SLC38A2: variants seen among roughly 807,000 people sequenced by gnomAD.
SLC38A2 encodes sodium-coupled neutral amino acid symporter 2.
SLC38A2 carries 11 observed loss-of-function variants against 61.5 expected under a neutral mutation model. That is an observed-to-expected ratio of 0.18 (90% CI 0.11 to 0.30). SLC38A2 has a LOEUF of 0.30. SLC38A2 is among the 10% of genes least tolerant of loss of function. The probability of loss-of-function intolerance (pLI) is 1.00; values close to 1 mark genes in which losing one functional copy is unlikely to be tolerated. For missense variants in SLC38A2, 522 were observed against 600.4 expected (o/e 0.87, Z 1.36); for synonymous variants, 217 against 212.5 (o/e 1.02, Z -0.18).
At position 46,371,229 on chromosome 12, in the gene SLC38A2, G is replaced by A. The variant is rs201301091; in HGVS notation, c.65C>T (p.Ser22Phe). 1.2e-6 allele frequency: 2 copies of A among 1,614,240 alleles called. No individual in the cohort carries two copies. Among genetic ancestry groups the A allele is most frequent in the South Asian group, 1.1e-5 (1 of 91,088 alleles). Residue 22 changes from serine to phenylalanine, a missense_variant, in exon 2 of 16, where the codon TCC becomes TTC. Ser to Phe is a radical substitution (Grantham distance 155). Around this residue, in one of 3 missense-constraint regions of SLC38A2, gnomAD observed 102 missense variants for 83.1 expected, o/e 1.23. Coordinates refer to ENST00000256689, the MANE Select transcript of SLC38A2 (RefSeq NM_018976.5). ...GTAGGAGTAGTTGAAGTCGCTGTTGGAACTGTAGCTGCTGCTGTCTTCATC... is the reference window on the plus strand; with the variant it reads ...GTAGGAGTAGTTGAAGTCGCTGTTGAAACTGTAGCTGCTGCTGTCTTCATC... ...SPDEDSSSYSSNSDFNYSYPT... is the reference protein window; with the variant it reads ...SPDEDSSSYSFNSDFNYSYPT...
chr12:46,365,171 C>G lies in SLC38A2; in HGVS notation c.582G>C (p.Gly194=), dbSNP rs1463016257. 2 of 1,613,422 alleles carry G rather than the reference C, an allele frequency of 1.2e-6. No homozygotes were observed. Among genetic ancestry groups the G allele is most frequent in the Admixed American group, 3.3e-5 (2 of 59,960 alleles). ...EDKTGLWYLN[G]NYLVLLVSLV... ...ATGACACCAACAGAACCAAATAGTT[C>G]CCGTTCAGATACCACAATCTAAAGA... The change falls in exon 8 of 16, where the codon GGG becomes GGC. Residue 194 remains glycine (G), a synonymous_variant. Transcript: ENST00000256689.
In SLC38A2 at chr12:46,367,125, T is replaced by C; in HGVS notation, c.432A>G (p.Leu144=). Residue 144 remains leucine (L), a synonymous_variant, in exon 6 of 16, where the codon TTA becomes TTG. Coordinates refer to ENST00000256689, the MANE Select transcript of SLC38A2 (RefSeq NM_018976.5). ...ATCCAGATGCTGCAAGCTTTCCAAC[T>C]AATCCAAATGCCTTATATCCCAATT... is the stretch of plus-strand genomic sequence containing the variant. ...YEQLGYKAFG[L]VGKLAASGSI... is the part of the protein sequence containing the mutation. The C allele has an allele frequency of 1.2e-6, 2 of 1,614,152 alleles. No homozygotes were observed. The highest frequency in any genetic ancestry group is 2.2e-5 in the South Asian group (2 of 91,082).
In SLC38A2 at chr12:46,367,350, G is replaced by A. The variant is rs1592205801; in HGVS notation, c.315-10C>T. Reference sequence around the variant, plus strand: ...AAATGTCAAGAGAATTCTGGTGAGAGAAGGAAAAGGCATAGGGTTATAAAT... The same window carrying A: ...AAATGTCAAGAGAATTCTGGTGAGAAAAGGAAAAGGCATAGGGTTATAAAT... On this transcript the variant is annotated splice_polypyrimidine_tract_variant and intron_variant, in intron 4 of 15. Coordinates refer to ENST00000256689, the MANE Select transcript of SLC38A2 (RefSeq NM_018976.5). 7.1e-7 allele frequency: 1 copy of A among 1,409,246 alleles called. No homozygotes were observed. The highest frequency in any genetic ancestry group is 1.0e-6 in the Non-Finnish European group (1 of 997,628). 87.3% of individuals were successfully genotyped at this position (1,409,246 alleles called of 1,614,324 possible). A position where few individuals can be genotyped will look rare whatever the true frequency, so the allele number is the denominator to read the frequency against.
intron 5 of SLC38A2, 38 bp downstream of exon 5, chr12:46,367,227 GGT>G: frequency 6.4e-7 from 1 of 1,573,624 alleles, no homozygotes; most frequent in Non-Finnish European, 8.7e-7. Context: ...TAAAATGATA[GGT>G]ATACATTGTT....
In SLC38A2 at chr12:46,359,089, C is replaced by CAAAAA. The variant is rs5797976; in HGVS notation, c.*2017_*2021dup. Reference sequence around the variant, plus strand: ...GGTTGCCACAGTATCTTCTCCCATACAAAAAAAAAAAAAAAAGTCTGTAGA... The same window carrying CAAAAA: ...GGTTGCCACAGTATCTTCTCCCATACAAAAAAAAAAAAAAAAAAAAAGTCTGTAGA... On this transcript the variant is annotated 3_prime_UTR_variant, in exon 16 of 16. Transcript: ENST00000256689. 1 of 138,542 alleles carries CAAAAA rather than the reference C, an allele frequency of 7.2e-6. No homozygotes were observed. Among genetic ancestry groups the CAAAAA allele is most frequent in the African/African-American group, 2.6e-5 (1 of 38,276 alleles). The allele number at this position is 138,542 out of a possible 1,614,324, so 8.6% of individuals were successfully genotyped here.
chr12:46,371,109 A>G, intron 2 of SLC38A2, 69 bp downstream of exon 2: 1 of 1,241,566 alleles, frequency 8.1e-7, no homozygotes, highest in East Asian at 2.3e-5. Context: ...ATGGAAGCAG[A>G]GTCCTAGGTA....
chr12:46,371,530 G>A (rs1367994566), intron 1 of SLC38A2, 151 bp from the exon 2 acceptor site: 2 of 501,638 alleles, frequency 4.0e-6, no homozygotes, highest in Admixed American at 3.9e-5. Context: ...GCGCCGAGGG[G>A]CGGAAAAGTA....
chr12:46,364,825 G>C, intron 8 of SLC38A2, 123 bp from the exon 9 acceptor site: 1 of 851,698 alleles, frequency 1.2e-6, no homozygotes, highest in Non-Finnish European at 1.8e-6. Context: ...TATGTGTATA[G>C]CACTAAATTT....
At chr12:46,368,128 AAAAGG>A (rs922849801) in intron 4 of SLC38A2, among the ~76,000 whole-genome samples, 9 of 152,214 alleles carry the variant, frequency 5.9e-5, no homozygotes, top group African/African-American at 2.2e-4. Flanking sequence ...AAAAAGAAAG[AAAAGG>A]AAAAGAATGG....
Position 46,361,217 on chromosome 12 carries a change from G to C in SLC38A2, c.1423-8C>G, listed in dbSNP as rs747835033. Reference sequence around the variant, plus strand: ...TAACAGGAAGAACAAAGCCTGCAAAGAGCATAGAGAAAATTGATCAGCAAG... The same window carrying C: ...TAACAGGAAGAACAAAGCCTGCAAACAGCATAGAGAAAATTGATCAGCAAG... On this transcript the variant is annotated splice_polypyrimidine_tract_variant and splice_region_variant and intron_variant, in intron 15 of 15. Transcript: ENST00000256689. 6.2e-7 allele frequency: 1 copy of C among 1,609,034 alleles called. No individual in the cohort carries two copies.
chr12:46,362,801 C>T (rs1330849633), intron 13 of SLC38A2, 163 bp from the exon 14 acceptor site: 8 of 940,850 alleles, frequency 8.5e-6, no homozygotes, highest in African/African-American at 5.1e-5. Flanking sequence ...GTTTCCTGAA[C>T]ATCTGAACAC....
At chr12:46,366,494 A>C (rs533052658) in intron 7 of SLC38A2, among the ~76,000 whole-genome samples, 1 of 152,276 alleles carries the variant, frequency 6.6e-6, no homozygotes, top group East Asian at 1.9e-4. Context: ...ATTAAGTCTT[A>C]AGAATTCCAA....
Position 46,360,152 on chromosome 12 carries a change from A to C in SLC38A2, c.*959T>G, listed in dbSNP as rs1943065185. 6.5e-6 allele frequency: 1 copy of C among 152,688 alleles called. No homozygotes were observed. Among genetic ancestry groups the C allele is most frequent in the Non-Finnish European group, 1.5e-5 (1 of 68,040 alleles). 9.5% of individuals were successfully genotyped at this position (152,688 alleles called of 1,614,324 possible). Reference sequence around the variant, plus strand: ...AAAGGGCTGGCCCAAAAAAAGACCCAGAGCTGTCAATACAACACTGGAGAC... The same window carrying C: ...AAAGGGCTGGCCCAAAAAAAGACCCCGAGCTGTCAATACAACACTGGAGAC... On this transcript the variant is annotated 3_prime_UTR_variant, in exon 16 of 16. Transcript: ENST00000256689.
chr12:46,365,092 G>C lies in SLC38A2; in HGVS notation c.646+15C>G, dbSNP rs765874753. 7 of 1,604,860 alleles carry C rather than the reference G, an allele frequency of 4.4e-6. No homozygotes were observed. The African/African-American group carries it at 8.0e-5, about 18-fold the overall frequency. On this transcript the variant is annotated intron_variant, in intron 8 of 15. Coordinates refer to ENST00000256689, the MANE Select transcript of SLC38A2 (RefSeq NM_018976.5). Reference sequence around the variant, plus strand: ...GAGGCTCATTTCAATTCTCTTTAGAGATGAGTTTGCTCACCTAAATTTCTA... The same window carrying C: ...GAGGCTCATTTCAATTCTCTTTAGACATGAGTTTGCTCACCTAAATTTCTA...
chr12:46,370,941 C>T, intron 2 of SLC38A2, 84 bp from the exon 3 acceptor site: 1 of 1,052,138 alleles, frequency 9.5e-7, no homozygotes, highest in South Asian at 1.4e-5. Flanking sequence ...CATAAAATAC[C>T]CTCCAACAGC....
At chr12:46,366,185 T>C (rs1180197521) in intron 7 of SLC38A2, among the ~76,000 whole-genome samples, 3 of 152,146 alleles carry the variant, frequency 2.0e-5, no homozygotes, top group African/African-American at 4.8e-5. Context: ...CTGGCACATG[T>C]TGAGTATCCC....
intron 14 of SLC38A2, 22 bp downstream of exon 14, chr12:46,362,472 T>C (rs745512722): frequency 1.4e-5 from 23 of 1,595,318 alleles, no homozygotes; most frequent in Non-Finnish European, 1.8e-5. Flanking sequence ...TTGAATCCAC[T>C]TGGATACTTT....
chr12:46,367,955 T>C (rs557610629), intron 4 of SLC38A2, among the ~76,000 whole-genome samples: 55 of 151,778 alleles, frequency 3.6e-4, no homozygotes, highest in African/African-American at 1.3e-3. Context: ...CAACATAACA[T>C]AGGGAAGCCA....
chr12:46,366,827 T>A (rs770694895), intron 7 of SLC38A2, 37 bp downstream of exon 7: 1 of 1,544,410 alleles, frequency 6.5e-7, no homozygotes, highest in Non-Finnish European at 8.8e-7. Flanking sequence ...CTTTTGACTA[T>A]AATTGTTTCT....
Sources: allele counts gnomAD v4.1 joint callset (sites outside exome capture counted in the v4.1 genomes callset), GRCh38; gene constraint gnomAD v4.1.1; regional missense constraint gnomAD v4.1.1; transcripts MANE v1.5; gene names NCBI Gene and HGNC (gene_info 2026-07-23, HGNC 2026-07-21).